Variants in PRH1 observed in about 807,000 individuals in gnomAD.
The protein encoded by PRH1 is salivary acidic proline-rich phosphoprotein 1/2.
In PRH1, 7 loss-of-function variants were observed where a neutral mutation model predicts 7.9. The observed-to-expected ratio is 0.89, with a 90% CI of 0.50 to 1.67. The LOEUF is 1.67. PRH1 is among the 40% of genes most tolerant of loss of function. The pLI is 0.00. For missense variants in PRH1, 109 were observed against 223.6 expected (o/e 0.49, Z 3.27); for synonymous variants, 45 against 80.8 (o/e 0.56, Z 2.38).
chr12:11,055,551 A>G (rs970049489), intron 1 of PRH1, among the ~76,000 whole-genome samples: 2 of 152,290 alleles, frequency 1.3e-5, no homozygotes, highest in African/African-American at 4.8e-5. Flanking sequence ...AATGGAAAAC[A>G]TGATAATTTC....
At chr12:11,030,513 G>C in intron 1 of PRH1, 4 of 1,614,220 alleles carry the variant, frequency 2.5e-6, no homozygotes, top group Non-Finnish European at 3.4e-6. Flanking sequence ...ATGAATGGGT[G>C]GATTGAAGGA....
intron 1 of PRH1, among the ~76,000 whole-genome samples, chr12:11,041,307 A>AAAAAAAAAAAAAAAAAAC (rs1565584500): frequency 5.1e-5 from 5 of 97,198 alleles, no homozygotes; most frequent in African/African-American, 1.3e-4. Flanking sequence ...AAAAAAAAAA[A>AAAAAAAAAAAAAAAAAAC]AAAACAAAAA....
intron 1 of PRH1, among the ~76,000 whole-genome samples, chr12:11,075,903 T>TC (rs1565627034): frequency 3.6e-5 from 3 of 82,668 alleles, no homozygotes; most frequent in African/African-American, 1.2e-4. Flanking sequence ...TAACGTATCA[T>TC]TTTTGACCAA....
At chr12:10,993,656 T>C (rs1940055149) in intron 1 of PRH1, among the ~76,000 whole-genome samples, 1 of 152,196 alleles carries the variant, frequency 6.6e-6, no homozygotes, top group African/African-American at 2.4e-5. Flanking sequence ...GCCAACGTAT[T>C]CCACATTTGA....
At chr12:11,020,431 ATGT>A (rs1319169525) in intron 1 of PRH1, among the ~76,000 whole-genome samples, 579 of 146,738 alleles carry the variant, frequency 3.9e-3, no homozygotes, top group Middle Eastern at 7.3e-3. Context: ...TATATATATG[ATGT>A]GGAGTTAACT....
intron 1 of PRH1, among the ~76,000 whole-genome samples, chr12:11,149,168 C>A (rs2136420154): frequency 6.6e-6 from 1 of 151,854 alleles, no homozygotes; most frequent in African/African-American, 2.4e-5. Context: ...CTATTTGATT[C>A]TTCTCTCTTT....
chr12:11,161,686 C>T (rs34241192), intron 1 of PRH1, among the ~76,000 whole-genome samples: 7 of 151,938 alleles, frequency 4.6e-5, no homozygotes, highest in East Asian at 3.9e-4. Flanking sequence ...AAAATCTCAC[C>T]GGTTTGGGGT....
At chr12:11,102,248 C>T (rs1227729886) in intron 1 of PRH1, among the ~76,000 whole-genome samples, 3 of 152,012 alleles carry the variant, frequency 2.0e-5, no homozygotes, top group African/African-American at 4.8e-5. Flanking sequence ...AATCCTAAGC[C>T]AAAAGAACAA....
chr12:11,022,106 T>G, intron 1 of PRH1: 1 of 1,613,924 alleles, frequency 6.2e-7, no homozygotes, highest in African/African-American at 1.3e-5. Flanking sequence ...TCATATTCTT[T>G]TGTCCACACT....
intron 1 of PRH1, among the ~76,000 whole-genome samples, chr12:11,081,261 C>T (rs77115454): frequency 0.44 from 39,107 of 89,392 alleles, 6,069 homozygotes; most frequent in Non-Finnish European, 0.54. Context: ...AACTGGTTAA[C>T]TCTGTCTATT....
At chr12:10,986,172 G>C in intron 1 of PRH1, 1 of 1,614,094 alleles carries the variant, frequency 6.2e-7, no homozygotes, top group Non-Finnish European at 8.5e-7. Flanking sequence ...GGAGATCAGA[G>C]TTTGCAAAGC....
At chr12:11,018,917 G>A (rs1941437607) in intron 1 of PRH1, among the ~76,000 whole-genome samples, 1 of 152,282 alleles carries the variant, frequency 6.6e-6, no homozygotes, top group Non-Finnish European at 1.5e-5. Flanking sequence ...CTGGTGGGGG[G>A]AAAGTAAACA....
chr12:10,908,876 TAAG>T (rs1354355049), intron 2 of PRH1: 12 of 1,612,954 alleles, frequency 7.4e-6, no homozygotes, highest in South Asian at 2.2e-5. Flanking sequence ...GATTTAAAAA[TAAG>T]AAGACCAAGG....
At chr12:10,986,057 T>C (rs1318574085) in intron 1 of PRH1, 1 of 1,614,054 alleles carries the variant, frequency 6.2e-7, no homozygotes, top group East Asian at 2.2e-5. Flanking sequence ...GATATATGTT[T>C]CCAACAGCCT....
At chr12:11,112,012 A>G (rs1945603711) in intron 1 of PRH1, among the ~76,000 whole-genome samples, 1 of 152,216 alleles carries the variant, frequency 6.6e-6, no homozygotes, top group South Asian at 2.1e-4. Flanking sequence ...TCATCAGAGA[A>G]TACTATAAAC....
chr12:10,987,507 T>C (rs886211048), intron 1 of PRH1, among the ~76,000 whole-genome samples: 5 of 151,984 alleles, frequency 3.3e-5, no homozygotes, highest in Non-Finnish European at 5.9e-5. Context: ...TGTGAATTTA[T>C]TGTTACCATG....
In PRH1 at chr12:11,122,449, A is replaced by G. The variant is rs1249104681; in HGVS notation, n.40-1269T>C. On this transcript the variant is annotated intron_variant and non_coding_transcript_variant, in intron 1 of 1. Transcript: ENST00000541175. ...GGAGGATTTTCTCTTGCAGAAAAAC[A>G]TAAGTGACATAGGTATTCTGCTAAA... is the stretch of plus-strand genomic sequence containing the variant. 5.3e-5 allele frequency among the ~76,000 whole-genome samples: 8 copies of G among 152,290 alleles called. No homozygotes were observed. In the East Asian group the frequency reaches 7.7e-4, roughly 15 times the overall value.
intron 1 of PRH1, among the ~76,000 whole-genome samples, chr12:11,100,845 G>C (rs1359157447): frequency 6.6e-6 from 1 of 151,572 alleles, no homozygotes; most frequent in African/African-American, 2.4e-5. Flanking sequence ...TTCTCTAATG[G>C]ACAGCCAAAA....
At chr12:10,935,710 A>G (rs1015334888) in intron 2 of PRH1, among the ~76,000 whole-genome samples, 1 of 152,232 alleles carries the variant, frequency 6.6e-6, no homozygotes, top group African/African-American at 2.4e-5. Flanking sequence ...TTTGCTAAAC[A>G]ACACGGTGGA....
Sources: gnomAD v4.1 joint callset for allele counts (sites outside exome capture counted in the v4.1 genomes callset) on GRCh38, gnomAD v4.1.1 for gene constraint, MANE v1.5 for transcripts, NCBI Gene and HGNC (gene_info 2026-07-23, HGNC 2026-07-21) for gene names.